Variants in MACROD2 observed in about 807,000 individuals in gnomAD.
The protein encoded by MACROD2 is ADP-ribose glycohydrolase MACROD2.
Under a neutral mutation model 70.4 loss-of-function variants are expected in MACROD2, and 36 were observed. The observed-to-expected ratio is 0.51, with a 90% CI of 0.39 to 0.68. The LOEUF is 0.68. Among genes scored for constraint, MACROD2 ranks in the 30% least tolerant of loss-of-function variants. The pLI is 0.00. For synonymous variants in MACROD2, 172 were observed against 178.8 expected (o/e 0.96, Z 0.30); for missense variants, 496 against 538.4 (o/e 0.92, Z 0.78).
intron 5 of MACROD2, among the ~76,000 whole-genome samples, chr20:14,968,392 T>A (rs2074658056): frequency 1.3e-5 from 2 of 152,262 alleles, no homozygotes; most frequent in Admixed American, 1.3e-4. Flanking sequence ...TAGACCAACA[T>A]CCTCAATACC....
chr20:14,643,527 A>G (rs376803997), intron 4 of MACROD2, among the ~76,000 whole-genome samples: 6 of 152,230 alleles, frequency 3.9e-5, no homozygotes, highest in African/African-American at 1.4e-4. Context: ...GACAGGCTTG[A>G]TGAGCTCTAG....
chr20:14,279,808 A>T (rs2082291436), intron 3 of MACROD2, among the ~76,000 whole-genome samples: 1 of 152,206 alleles, frequency 6.6e-6, no homozygotes, highest in African/African-American at 2.4e-5. Context: ...ATTTTAAATG[A>T]ATGGTGTGGT....
intron 4 of MACROD2, among the ~76,000 whole-genome samples, chr20:14,557,881 C>T (rs886665769): frequency 2.6e-5 from 4 of 151,654 alleles, no homozygotes; most frequent in Non-Finnish European, 5.9e-5. Context: ...TAGGTATATA[C>T]CCAAGAGATT....
At chr20:14,735,810 C>T (rs2071657242) in intron 5 of MACROD2, among the ~76,000 whole-genome samples, 1 of 152,082 alleles carries the variant, frequency 6.6e-6, no homozygotes, top group Admixed American at 6.6e-5. Context: ...GATTGTGCCA[C>T]TGCACTCCAG....
At chr20:15,167,176 A>G (rs991417929) in intron 5 of MACROD2, among the ~76,000 whole-genome samples, 1 of 152,176 alleles carries the variant, frequency 6.6e-6, no homozygotes, top group African/African-American at 2.4e-5. Context: ...ATTACCAAAA[A>G]AAGTGTAAAC....
At chr20:15,374,446 C>T (rs2045535121) in intron 6 of MACROD2, among the ~76,000 whole-genome samples, 1 of 152,072 alleles carries the variant, frequency 6.6e-6, no homozygotes, top group Non-Finnish European at 1.5e-5. Flanking sequence ...TTTTCAACTA[C>T]ACCAAGCCCA....
chr20:15,025,862 C>G (rs953763147), intron 5 of MACROD2, among the ~76,000 whole-genome samples: 2 of 152,090 alleles, frequency 1.3e-5, no homozygotes, highest in Non-Finnish European at 2.9e-5. Context: ...CCCCCTCAAC[C>G]CATTGAGAGC....
At chr20:15,823,861 A>G (rs1405705003) in intron 8 of MACROD2, among the ~76,000 whole-genome samples, 1 of 152,176 alleles carries the variant, frequency 6.6e-6, no homozygotes, top group African/African-American at 2.4e-5. Context: ...CCACTTTATT[A>G]GTGAAATTAC....
intron 6 of MACROD2, among the ~76,000 whole-genome samples, chr20:15,312,605 A>G (rs561497762): frequency 2.0e-4 from 31 of 152,350 alleles, no homozygotes; most frequent in African/African-American, 7.5e-4. Context: ...TTCTGTTTAC[A>G]TAAATTAAAG....
intron 3 of MACROD2, among the ~76,000 whole-genome samples, chr20:14,477,384 A>G (rs1360354113): frequency 6.6e-6 from 1 of 152,192 alleles, no homozygotes; most frequent in Non-Finnish European, 1.5e-5. Flanking sequence ...CTAGCACAAC[A>G]CTGTTCATTG....
At chr20:14,380,180 T>G (rs1301863335) in intron 3 of MACROD2, among the ~76,000 whole-genome samples, 2 of 152,130 alleles carry the variant, frequency 1.3e-5, no homozygotes, top group African/African-American at 2.4e-5. Flanking sequence ...GTGGTTTTGA[T>G]TGGTATTTCC....
intron 5 of MACROD2, among the ~76,000 whole-genome samples, chr20:14,954,346 T>A (rs963311616): frequency 6.6e-6 from 1 of 151,450 alleles, no homozygotes; most frequent in Non-Finnish European, 1.5e-5. Context: ...TATGAATCTT[T>A]GGAAAAACTA....
At chr20:14,896,425 C>T (rs1933784147) in intron 5 of MACROD2, among the ~76,000 whole-genome samples, 1 of 152,104 alleles carries the variant, frequency 6.6e-6, no homozygotes, top group Non-Finnish European at 1.5e-5. Context: ...TGTTAGAATT[C>T]CTTTTTCTCA....
intron 5 of MACROD2, among the ~76,000 whole-genome samples, chr20:15,162,275 C>T (rs541290196): frequency 6.6e-6 from 1 of 152,104 alleles, no homozygotes; most frequent in East Asian, 1.9e-4. Flanking sequence ...TAAGTAAGAG[C>T]TGAGGCTCAG....
intron 12 of MACROD2, among the ~76,000 whole-genome samples, chr20:15,962,653 TCTG>T (rs1199037497): frequency 1.3e-5 from 2 of 152,164 alleles, no homozygotes; most frequent in Admixed American, 6.5e-5. Context: ...AAATCCAAAA[TCTG>T]AAGCCCTTCT....
chr20:14,363,650 C>A (rs1368182416), intron 3 of MACROD2, among the ~76,000 whole-genome samples: 1 of 148,392 alleles, frequency 6.7e-6, no homozygotes, highest in Non-Finnish European at 1.5e-5. Flanking sequence ...GAAACCCTGT[C>A]TGTACTAAAA....
intron 6 of MACROD2, among the ~76,000 whole-genome samples, chr20:15,281,160 C>T (rs1460990735): frequency 6.6e-6 from 1 of 152,202 alleles, no homozygotes; most frequent in Non-Finnish European, 1.5e-5. Flanking sequence ...CAATTACCTC[C>T]ACTTGGTCCC....
intron 3 of MACROD2, among the ~76,000 whole-genome samples, chr20:14,383,582 C>A (rs974905632): frequency 1.1e-4 from 16 of 152,198 alleles, no homozygotes; most frequent in Middle Eastern, 3.4e-3. Context: ...TTATGCATAT[C>A]GAGTTCTAGA....
intron 5 of MACROD2, among the ~76,000 whole-genome samples, chr20:15,026,297 T>C (rs2075231023): frequency 6.6e-6 from 1 of 152,086 alleles, no homozygotes; most frequent in Admixed American, 6.6e-5. Context: ...TTCAAACCCT[T>C]TTGTTTCCAA....
Sources: gnomAD v4.1 joint callset for allele counts (sites outside exome capture counted in the v4.1 genomes callset) on GRCh38, gnomAD v4.1.1 for gene constraint, MANE v1.5 for transcripts, NCBI Gene and HGNC (gene_info 2026-07-23, HGNC 2026-07-21) for gene names.